Variants in THSD7B observed in about 807,000 individuals in gnomAD.
THSD7B encodes the protein thrombospondin type 1 domain containing 7B.
In THSD7B, 138 loss-of-function variants were observed where a neutral mutation model predicts 213.6. The ratio of observed to expected loss-of-function variants is 0.65; its 90% CI spans 0.56 to 0.74. The LOEUF (loss-of-function observed/expected upper bound fraction) is 0.74. THSD7B is among the 30% of genes least tolerant of loss of function. The pLI, the probability that THSD7B is intolerant of heterozygous loss-of-function variation, is 0.00. For missense variants in THSD7B, 1,931 were observed against 1,991.5 expected (o/e 0.97, Z 0.58); for synonymous variants, 742 against 687.0 (o/e 1.08, Z -1.25).
chr2:136,813,666 C>T (rs1006476942), intron 1 of THSD7B, among the ~76,000 whole-genome samples: 1 of 151,962 alleles, frequency 6.6e-6, no homozygotes, highest in African/African-American at 2.4e-5. Flanking sequence ...GTGAACTCTA[C>T]GAGTCAATAC....
chr2:137,250,509 A>T lies in THSD7B; in HGVS notation c.2266+7937A>T, dbSNP rs563861199. ...TTTTATGTAAAAGAAAATAGGGCTTAAAGATAGAGCCCAAGGTTGCAAAAC... is the reference window on the plus strand; with the variant it reads ...TTTTATGTAAAAGAAAATAGGGCTTTAAGATAGAGCCCAAGGTTGCAAAAC... On this transcript the variant is annotated intron_variant, in intron 10 of 27. Coordinates refer to ENST00000409968, the MANE Select transcript of THSD7B (RefSeq NM_001316349.2). 8.4e-4 allele frequency among the ~76,000 whole-genome samples: 128 copies of T among 152,346 alleles called. 5 individuals carry two copies. The South Asian group carries it at 0.025, about 29-fold the overall frequency.
At chr2:137,321,157 A>C (rs1028896703) in intron 12 of THSD7B, among the ~76,000 whole-genome samples, 4 of 152,194 alleles carry the variant, frequency 2.6e-5, no homozygotes, top group African/African-American at 7.2e-5. Context: ...TCTTTATCTT[A>C]ATTAGCCTTA....
rs796159626 is a variant in THSD7B at position 136,976,632 on chromosome 2, CT to C, written c.140-79777del. Among the ~76,000 whole-genome samples, 199 of 145,546 alleles carry C rather than the reference CT, an allele frequency of 1.4e-3. 1 individual carries two copies. Among genetic ancestry groups the C allele is most frequent in the African/African-American group, 4.2e-3 (167 of 39,910 alleles). ...TCAGAGATATTGGCCTGAAGTTTTC[CT>C]TTTTTTTTTTCTTTTTTTGAGATGG... On this transcript the variant is annotated intron_variant, in intron 2 of 27. Coordinates refer to ENST00000409968, the MANE Select transcript of THSD7B (RefSeq NM_001316349.2).
chr2:137,141,578 C>A (rs1026316562), intron 5 of THSD7B, among the ~76,000 whole-genome samples: 1 of 151,832 alleles, frequency 6.6e-6, no homozygotes, highest in Non-Finnish European at 1.5e-5. Context: ...GTAACAATGT[C>A]AAATTCCTGG....
chr2:137,076,311 C>T (rs112466461), intron 3 of THSD7B, among the ~76,000 whole-genome samples: 1,839 of 152,364 alleles, frequency 0.012, 23 homozygotes, highest in Middle Eastern at 0.024. Context: ...CCCCCAGCCT[C>T]GCTGCCGCCT....
At chr2:136,904,590 C>T (rs1447149520) in intron 2 of THSD7B, among the ~76,000 whole-genome samples, 1 of 152,152 alleles carries the variant, frequency 6.6e-6, no homozygotes, top group Non-Finnish European at 1.5e-5. Flanking sequence ...GCAGAGGTTC[C>T]CTGCCCTGTG....
At chr2:137,438,617 G>A (rs1277523587) in intron 14 of THSD7B, among the ~76,000 whole-genome samples, 1 of 152,034 alleles carries the variant, frequency 6.6e-6, no homozygotes, top group Non-Finnish European at 1.5e-5. Flanking sequence ...TCCCTGCGAT[G>A]GTTGATAACA....
chr2:137,310,936 T>A lies in THSD7B; in HGVS notation c.2500+34910T>A, dbSNP rs1285871793. On this transcript the variant is annotated intron_variant, in intron 12 of 27. Transcript: ENST00000409968. ...TGTAGTATAGTTTGAAGTCAGGTAG[T>A]GTGATGCCTCCAGCTTTGTTCTTTT... is the stretch of plus-strand genomic sequence containing the variant. Among the ~76,000 whole-genome samples the A allele has an allele frequency of 2.6e-5, 4 of 151,890 alleles. No homozygotes were observed. The East Asian group carries it at 5.8e-4, about 22-fold the overall frequency.
chr2:137,522,261 G>T (rs1246625829), intron 15 of THSD7B, among the ~76,000 whole-genome samples: 1 of 152,124 alleles, frequency 6.6e-6, no homozygotes, highest in Non-Finnish European at 1.5e-5. Flanking sequence ...TTTTCCAGAG[G>T]GATAGTGTAG....
chr2:137,264,540 G>A (rs548638230), intron 10 of THSD7B, among the ~76,000 whole-genome samples: 74 of 152,124 alleles, frequency 4.9e-4, no homozygotes, highest in African/African-American at 1.5e-3. Context: ...GAGCCACCGC[G>A]CCCAGCCAGA....
chr2:137,558,888 G>A (rs552718294), intron 15 of THSD7B, among the ~76,000 whole-genome samples: 1 of 152,144 alleles, frequency 6.6e-6, no homozygotes, highest in Non-Finnish European at 1.5e-5. Flanking sequence ...AAATCAGTGT[G>A]CAAAAATCAC....
Position 137,659,656 on chromosome 2 carries a change from C to T in THSD7B, c.4376-8C>T. On this transcript the variant is annotated splice_polypyrimidine_tract_variant and splice_region_variant and intron_variant, in intron 24 of 27. Coordinates refer to ENST00000409968, the MANE Select transcript of THSD7B (RefSeq NM_001316349.2). ...AATCTGCAAATGATGGTGGAATTTC[C>T]TTTGCAGGAGGCTGCTCCCCTCAGG... The T allele has an allele frequency of 6.3e-7, 1 of 1,586,790 alleles. No homozygotes were observed. Among genetic ancestry groups the T allele is most frequent in the Non-Finnish European group, 8.6e-7 (1 of 1,167,412 alleles).
intron 2 of THSD7B, among the ~76,000 whole-genome samples, chr2:136,890,502 C>T (rs761179722): frequency 0.58 from 780 of 1,342 alleles, 378 homozygotes; most frequent in South Asian, 1. Context: ...CCTTTCTTCT[C>T]CTTTCTTCTT....
At chr2:137,245,293 G>A (rs549587997) in intron 10 of THSD7B, among the ~76,000 whole-genome samples, 2 of 152,244 alleles carry the variant, frequency 1.3e-5, no homozygotes, top group South Asian at 2.1e-4. Context: ...CTTTGCCTCA[G>A]TTTTCTAATT....
chr2:136,990,010 T>C (rs1273944480), intron 2 of THSD7B, among the ~76,000 whole-genome samples: 1 of 152,214 alleles, frequency 6.6e-6, no homozygotes, highest in East Asian at 1.9e-4. Context: ...TTTTCTTGTT[T>C]TAAAAATAGT....
intron 2 of THSD7B, among the ~76,000 whole-genome samples, chr2:136,920,559 A>G (rs952503474): frequency 6.6e-6 from 1 of 152,170 alleles, no homozygotes; most frequent in Non-Finnish European, 1.5e-5. Flanking sequence ...CAATTGGCCA[A>G]AAGGCTTCAA....
intron 1 of THSD7B, among the ~76,000 whole-genome samples, chr2:136,864,299 T>G (rs889797467): frequency 1.3e-5 from 2 of 152,138 alleles, no homozygotes; most frequent in Non-Finnish European, 2.9e-5. Context: ...ATTTTCTTTT[T>G]TGAAAAAAAT....
chr2:137,426,555 A>G (rs1013869563), intron 14 of THSD7B, among the ~76,000 whole-genome samples: 2 of 152,210 alleles, frequency 1.3e-5, no homozygotes, highest in African/African-American at 4.8e-5. Flanking sequence ...AAAGTTACCA[A>G]GAATACACAA....
chr2:137,066,716 G>T (rs1304015196), intron 3 of THSD7B, among the ~76,000 whole-genome samples: 1 of 151,954 alleles, frequency 6.6e-6, no homozygotes, highest in Non-Finnish European at 1.5e-5. Flanking sequence ...TGAGCTACTG[G>T]GATCTATGAT....
Sources: allele counts gnomAD v4.1 joint callset (sites outside exome capture counted in the v4.1 genomes callset), GRCh38; gene constraint gnomAD v4.1.1; transcripts MANE v1.5; gene names NCBI Gene and HGNC (gene_info 2026-07-23, HGNC 2026-07-21).